SHB: variants seen among roughly 807,000 people sequenced by gnomAD.
The protein encoded by SHB is SH2 domain-containing adapter protein B.
A neutral mutation model predicts 52.3 loss-of-function variants in SHB; 20 were observed. That is an observed-to-expected ratio of 0.38 (90% CI 0.27 to 0.56). The LOEUF (loss-of-function observed/expected upper bound fraction) is 0.56. Ranked by LOEUF, SHB falls within the 20% of genes least tolerant of loss-of-function variation. SHB has a pLI of 0.71. For missense variants in SHB, 825 were observed against 723.3 expected, an observed-to-expected ratio of 1.14 and a Z score of -1.61; for synonymous variants, 397 against 316.5, an observed-to-expected ratio of 1.25 and a Z score of -2.70.
intron 2 of SHB, among the ~76,000 whole-genome samples, chr9:38,014,684 G>GT (rs1821187838): frequency 6.6e-6 from 1 of 152,236 alleles, no homozygotes; most frequent in Non-Finnish European, 1.5e-5. Context: ...ACTGCTCTCT[G>GT]CCCTGGCCCT....
Position 38,069,059 on chromosome 9 carries a change from C to A in SHB, c.-414G>T, listed in dbSNP as rs1393875622. 6.6e-6 allele frequency: 1 copy of A among 151,810 alleles called. No individual in the cohort carries two copies. The highest frequency in any genetic ancestry group is 2.1e-4 in the South Asian group (1 of 4,836). 9.4% of individuals were successfully genotyped at this position (151,810 alleles called of 1,614,324 possible). A position where few individuals can be genotyped will look rare whatever the true frequency, so the allele number is the denominator to read the frequency against. ...GGATCCGCGGCTGCCGCGGGAACTT[C>A]TCGGCGTCCTCGGCTCCCTTCTTCC... On this transcript the variant is annotated 5_prime_UTR_variant, in exon 1 of 6. Transcript: ENST00000377707.
chr9:38,069,218 C>T lies in SHB; in HGVS notation c.-573G>A, dbSNP rs1822027222. The T allele has an allele frequency of 6.7e-6, 1 of 148,794 alleles. No individual in the cohort carries two copies. Among genetic ancestry groups the T allele is most frequent in the Non-Finnish European group, 1.5e-5 (1 of 66,498 alleles). The allele number at this position is 148,794 out of a possible 1,614,324, so 9.2% of individuals were successfully genotyped here. ...CCGTGCCCGTCCCGGCGGCGCCTGT[C>T]GCTGCCACTGCCGCCGCCTCCCGAG... On this transcript the variant is annotated 5_prime_UTR_variant, in exon 1 of 6. Coordinates refer to ENST00000377707, the MANE Select transcript of SHB (RefSeq NM_003028.3).
chr9:37,963,086 C>T (rs556469622), intron 3 of SHB, among the ~76,000 whole-genome samples: 3 of 152,274 alleles, frequency 2.0e-5, no homozygotes, highest in South Asian at 2.1e-4. Flanking sequence ...GTGCCTTCCC[C>T]GGCGGAGGTG....
chr9:37,917,159 C>A lies in SHB; in HGVS notation c.*2662G>T, dbSNP rs1193093513. 6.6e-6 allele frequency among the ~76,000 whole-genome samples: 1 copy of A among 152,022 alleles called. No individual in the cohort carries two copies. The highest frequency in any genetic ancestry group is 2.4e-5 in the African/African-American group (1 of 41,380). ...ATGTCCAAGAAAACATGAATACAGG[C>A]TGACACAGGAAACGGTCACAATTAG... On this transcript the variant is annotated 3_prime_UTR_variant, in exon 6 of 6. Transcript: ENST00000377707.
At chr9:38,064,912 T>C (rs879875229) in intron 1 of SHB, among the ~76,000 whole-genome samples, 16 of 152,176 alleles carry the variant, frequency 1.1e-4, no homozygotes, top group African/African-American at 2.2e-4. Context: ...GGCAGGAGGA[T>C]TGCTTGAGCC....
intron 3 of SHB, among the ~76,000 whole-genome samples, chr9:37,959,270 A>T (rs1832669138): frequency 6.6e-6 from 1 of 152,094 alleles, no homozygotes; most frequent in South Asian, 2.1e-4. Flanking sequence ...ATGGGCACAG[A>T]AGGGGATGTG....
At chr9:37,922,418 C>T (rs1832193916) in intron 5 of SHB, among the ~76,000 whole-genome samples, 2 of 152,230 alleles carry the variant, frequency 1.3e-5, no homozygotes, top group African/African-American at 2.4e-5. Flanking sequence ...GTACTAAAAG[C>T]CACACAATGT....
intron 1 of SHB, among the ~76,000 whole-genome samples, chr9:38,023,471 C>A (rs1821305519): frequency 6.6e-6 from 1 of 152,090 alleles, no homozygotes; most frequent in Non-Finnish European, 1.5e-5. Context: ...CGGTGAGGGG[C>A]AAAAGCACTT....
At chr9:37,979,186 G>A (rs1820691911) in intron 2 of SHB, among the ~76,000 whole-genome samples, 1 of 151,902 alleles carries the variant, frequency 6.6e-6, no homozygotes, top group Non-Finnish European at 1.5e-5. Flanking sequence ...CTGAACATCA[G>A]CATCTACACA....
intron 5 of SHB, among the ~76,000 whole-genome samples, chr9:37,923,362 C>T (rs1021041535): frequency 6.6e-6 from 1 of 152,190 alleles, no homozygotes; most frequent in East Asian, 1.9e-4. Context: ...ATGTGTGGCA[C>T]CCACACAAGG....
chr9:37,944,261 G>A (rs1368188570), intron 5 of SHB, among the ~76,000 whole-genome samples: 1 of 152,184 alleles, frequency 6.6e-6, no homozygotes, highest in Non-Finnish European at 1.5e-5. Flanking sequence ...AGTGCAGAAA[G>A]TTGGGGGGTG....
intron 2 of SHB, among the ~76,000 whole-genome samples, chr9:37,990,872 T>C (rs1470058784): frequency 6.6e-6 from 1 of 152,206 alleles, no homozygotes; most frequent in East Asian, 1.9e-4. Flanking sequence ...AAGAATAATG[T>C]TTGGCAGGAT....
intron 1 of SHB, among the ~76,000 whole-genome samples, chr9:38,039,848 C>T (rs992141752): frequency 3.9e-5 from 6 of 152,198 alleles, no homozygotes; most frequent in African/African-American, 1.2e-4. Context: ...AGCTGGAGCT[C>T]GAGGGGCGAG....
intron 4 of SHB, among the ~76,000 whole-genome samples, chr9:37,955,400 C>T (rs1052466529): frequency 6.6e-6 from 1 of 152,178 alleles, no homozygotes; most frequent in Non-Finnish European, 1.5e-5. Context: ...AGAGCCTTAA[C>T]CTGCCCATGT....
intron 5 of SHB, among the ~76,000 whole-genome samples, chr9:37,945,192 T>C (rs1331479391): frequency 1.3e-5 from 2 of 152,190 alleles, no homozygotes; most frequent in African/African-American, 4.8e-5. Flanking sequence ...GGAATTCCAG[T>C]GTCAATTTGC....
chr9:38,057,116 T>G (rs1409113491), intron 1 of SHB, among the ~76,000 whole-genome samples: 1 of 152,206 alleles, frequency 6.6e-6, no homozygotes, highest in Non-Finnish European at 1.5e-5. Context: ...ATGCAAAGAA[T>G]TAAGTTACAA....
chr9:38,020,548 G>A (rs1821268806), intron 1 of SHB, among the ~76,000 whole-genome samples: 2 of 152,108 alleles, frequency 1.3e-5, no homozygotes, highest in Admixed American at 1.3e-4. Flanking sequence ...CTTCCCTGGT[G>A]GTCAACTGGA....
At chr9:37,982,973 G>GCCA (rs531905978) in intron 2 of SHB, among the ~76,000 whole-genome samples, 1 of 145,206 alleles carries the variant, frequency 6.9e-6, no homozygotes, top group Non-Finnish European at 1.5e-5. Context: ...CCTCTCTGGT[G>GCCA]CCCCCCCCTC....
At chr9:37,959,388 T>C (rs1832670063) in intron 3 of SHB, among the ~76,000 whole-genome samples, 1 of 152,118 alleles carries the variant, frequency 6.6e-6, no homozygotes, top group Non-Finnish European at 1.5e-5. Flanking sequence ...TCCTGGCCCA[T>C]AGGGCTGCCA....
Sources: gnomAD v4.1 joint callset for allele counts (sites outside exome capture counted in the v4.1 genomes callset) on GRCh38, gnomAD v4.1.1 for gene constraint, MANE v1.5 for transcripts, NCBI Gene and HGNC (gene_info 2026-07-23, HGNC 2026-07-21) for gene names.